Variants in DNAH6 observed in about 807,000 individuals in gnomAD.
The protein encoded by DNAH6 is dynein axonemal heavy chain 6.
Under a neutral mutation model 491.4 loss-of-function variants are expected in DNAH6, and 340 were observed. The observed-to-expected ratio is 0.69, with a 90% CI of 0.63 to 0.76. DNAH6 has a LOEUF of 0.76. Ranked by LOEUF, DNAH6 falls within the 30% of genes least tolerant of loss-of-function variation. The pLI is 0.00. For synonymous variants in DNAH6, 1,603 were observed against 1,686.1 expected, an observed-to-expected ratio of 0.95 and a Z score of 1.21; for missense variants, 4,443 against 4,972.2, an observed-to-expected ratio of 0.89 and a Z score of 3.20.
At chr2:84,722,839 CT>C in intron 60 of DNAH6, 35 bp downstream of exon 60, 1 of 1,280,722 alleles carries the variant, frequency 7.8e-7, no homozygotes. Flanking sequence ...ACAGTCATCT[CT>C]TTGGCCTCCA....
At chr2:84,733,281 G>C (rs758092828) in intron 61 of DNAH6, among the ~76,000 whole-genome samples, 163 bp from the exon 62 acceptor site, 1 of 152,142 alleles carries the variant, frequency 6.6e-6, no homozygotes, top group Non-Finnish European at 1.5e-5. Flanking sequence ...TCCACAATTA[G>C]AATTGATTCA....
At chr2:84,652,607 T>G (rs2104560575) in intron 33 of DNAH6, among the ~76,000 whole-genome samples, 2 of 152,200 alleles carry the variant, frequency 1.3e-5, no homozygotes, top group East Asian at 3.9e-4. Flanking sequence ...CTGCCTTTCT[T>G]AGAAAGACCG....
intron 52 of DNAH6, 21 bp downstream of exon 52, chr2:84,705,768 T>A: frequency 6.5e-7 from 1 of 1,531,192 alleles, no homozygotes; most frequent in Non-Finnish European, 8.8e-7. Flanking sequence ...TGTATTGTGA[T>A]ATTTTATAGA....
intron 21 of DNAH6, 102 bp downstream of exon 21, chr2:84,607,197 A>G (rs1685854302): frequency 8.4e-7 from 1 of 1,196,740 alleles, no homozygotes; most frequent in Admixed American, 2.3e-5. Context: ...TGGTTTTAAA[A>G]TGTAAGTTTT....
the DNAH6 span, among the ~76,000 whole-genome samples, chr2:84,470,140 C>T: frequency 1.2e-3 from 176 of 152,234 alleles, 1 homozygote; most frequent in African/African-American, 3.9e-3. Flanking sequence ...AGTATCATCC[C>T]TTCTGTGGTT....
At chr2:84,813,252 G>A in intron 74 of DNAH6, 122 bp downstream of exon 74, 1 of 730,878 alleles carries the variant, frequency 1.4e-6, no homozygotes, top group Non-Finnish European at 2.3e-6. Flanking sequence ...TTGATCATAG[G>A]GCAATCTAAC....
chr2:84,788,142 A>C (rs1237136376), intron 68 of DNAH6, among the ~76,000 whole-genome samples: 5 of 152,216 alleles, frequency 3.3e-5, no homozygotes, highest in African/African-American at 1.2e-4. Flanking sequence ...CCAATAGGGA[A>C]AGGCCTGGAA....
At chr2:84,813,256 A>G in intron 74 of DNAH6, 126 bp downstream of exon 74, 1 of 712,122 alleles carries the variant, frequency 1.4e-6, no homozygotes. Context: ...TCATAGGGCA[A>G]TCTAACAAGG....
chr2:84,644,583 C>T (rs1314634195), intron 33 of DNAH6, among the ~76,000 whole-genome samples: 2 of 152,096 alleles, frequency 1.3e-5, no homozygotes, highest in African/African-American at 4.8e-5. Context: ...CTGACCCTCT[C>T]CCTCCTCCCA....
rs1006817566 is a variant in DNAH6, at chr2:84,812,456, C to T, written c.11855C>T (p.Thr3952Ile). Residue 3952 changes from threonine (T) to isoleucine (I), a missense_variant, in exon 73 of 77, where the codon ACA becomes ATA. Thr to Ile is a moderately conservative substitution (Grantham distance 89, BLOSUM62 -1). Coordinates refer to ENST00000389394, the MANE Select transcript of DNAH6 (RefSeq NM_001370.2). ...CAGGTTCCCGCTCTGTGGTCCAACA[C>T]AGCCTACCCATCCCTGAAGCCACTA... The part of the protein sequence containing the change: ...NNQVPALWSN[T>I]AYPSLKPLGS... The T allele has an allele frequency of 6.4e-7, 1 of 1,551,734 alleles. No homozygotes were observed. The highest frequency in any genetic ancestry group is 1.4e-5 in the African/African-American group (1 of 73,174).
chr2:84,598,127 T>TTTCTTTCTTTC (rs1196472640), intron 18 of DNAH6, among the ~76,000 whole-genome samples: 2 of 109,314 alleles, frequency 1.8e-5, no homozygotes, highest in African/African-American at 3.4e-5. Flanking sequence ...TCTATCTTTC[T>TTTCTTTCTTTC]TTTCTTTCTT....
At chr2:84,705,101 G>T (rs570456297) in intron 51 of DNAH6, among the ~76,000 whole-genome samples, 2 of 152,208 alleles carry the variant, frequency 1.3e-5, no homozygotes, top group African/African-American at 4.8e-5. Flanking sequence ...AGTTCAAAGA[G>T]ACATAAAGCC....
chr2:84,735,258 C>T (rs1699443386), intron 62 of DNAH6, among the ~76,000 whole-genome samples: 1 of 152,182 alleles, frequency 6.6e-6, no homozygotes, highest in Admixed American at 6.5e-5. Flanking sequence ...CATAGTATTC[C>T]ATGTGTATAT....
At chr2:84,801,352 A>G (rs75330526) in intron 70 of DNAH6, among the ~76,000 whole-genome samples, 2,111 of 152,214 alleles carry the variant, frequency 0.014, 43 homozygotes, top group African/African-American at 0.048. Flanking sequence ...TCACTAGAGA[A>G]GTTGGCATGC....
At chr2:84,742,485 G>A (rs1672617674) in intron 62 of DNAH6, among the ~76,000 whole-genome samples, 1 of 152,106 alleles carries the variant, frequency 6.6e-6, no homozygotes, top group African/African-American at 2.4e-5. Flanking sequence ...CTGGCGTCTG[G>A]TGGGTAGAGA....
chr2:84,524,294 T>A (rs1289647956), intron 2 of DNAH6, among the ~76,000 whole-genome samples: 1 of 152,032 alleles, frequency 6.6e-6, no homozygotes, highest in Non-Finnish European at 1.5e-5. Flanking sequence ...TGTTTCCCAT[T>A]TGCTTGGTAG....
intron 33 of DNAH6, among the ~76,000 whole-genome samples, chr2:84,646,436 C>A (rs72922769): frequency 0.014 from 2,114 of 151,958 alleles, 47 homozygotes; most frequent in African/African-American, 0.047. Flanking sequence ...AAGCTGGAAA[C>A]GATTAAGCTT....
rs868288420 is a variant in DNAH6, at chr2:84,658,962, C to A, written c.5941-64C>A. The A allele has an allele frequency of 1.1e-5, 11 of 1,006,462 alleles. No homozygotes were observed. In the Middle Eastern group the frequency reaches 8.3e-4, roughly 76 times the overall value. The allele number at this position is 1,006,462 out of a possible 1,614,324, so 62.3% of individuals were successfully genotyped here. ...GAAAGAAAAATATCTTTACACTTTGCAGCTTAGGATTCTTTTTATGTTCAT... is the reference window on the plus strand; with the variant it reads ...GAAAGAAAAATATCTTTACACTTTGAAGCTTAGGATTCTTTTTATGTTCAT... On this transcript the variant is annotated intron_variant, in intron 36 of 76. Coordinates refer to ENST00000389394, the MANE Select transcript of DNAH6 (RefSeq NM_001370.2).
intron 42 of DNAH6, among the ~76,000 whole-genome samples, chr2:84,683,914 A>T (rs984555374): frequency 2.6e-5 from 4 of 152,090 alleles, no homozygotes; most frequent in African/African-American, 4.8e-5. Flanking sequence ...CAAGTCTGGG[A>T]ATGAACTGGG....
Sources: allele counts gnomAD v4.1 joint callset (sites outside exome capture counted in the v4.1 genomes callset), GRCh38; gene constraint gnomAD v4.1.1; transcripts MANE v1.5; gene names NCBI Gene and HGNC (gene_info 2026-07-23, HGNC 2026-07-21).